RBM25: variants seen among roughly 807,000 people sequenced by gnomAD.
RBM25 encodes RNA binding motif protein 25, also known as RNA-binding protein 25.
Under a neutral mutation model 120.7 loss-of-function variants are expected in RBM25, and 19 were observed. The ratio of observed to expected loss-of-function variants is 0.16; its 90% CI spans 0.11 to 0.23. The LOEUF (loss-of-function observed/expected upper bound fraction) is 0.23. Ranked by LOEUF, RBM25 falls within the 10% of genes least tolerant of loss-of-function variation. RBM25 has a pLI of 1.00. For synonymous variants in RBM25, 390 were observed against 326.7 expected, an observed-to-expected ratio of 1.19 and a Z score of -2.09; for missense variants, 605 against 1,041.5, an observed-to-expected ratio of 0.58 and a Z score of 5.77.
chr14:73,085,296 C>T (rs1281980970), intron 5 of RBM25, among the ~76,000 whole-genome samples: 5 of 151,520 alleles, frequency 3.3e-5, no homozygotes, highest in African/African-American at 7.3e-5. Flanking sequence ...GGATTACAGA[C>T]GTGAGCCACC....
chr14:73,063,188 C>T lies in RBM25; in HGVS notation c.-16+4483C>T, dbSNP rs184475760. Among the ~76,000 whole-genome samples, 68 of 151,016 alleles carry T rather than the reference C, an allele frequency of 4.5e-4. 1 individual carries two copies. The highest frequency in any genetic ancestry group is 1.5e-3 in the African/African-American group (62 of 41,360). ...TTTTTGAGATGGAGTCTGGCTCTGT[C>T]GCCCAGGCTGGAGTGCAGTGGCACA... is the stretch of plus-strand genomic sequence containing the variant. On this transcript the variant is annotated intron_variant, in intron 1 of 18. Transcript: ENST00000261973.
At chr14:73,093,498 A>G (rs1422090062) in intron 6 of RBM25, among the ~76,000 whole-genome samples, 1 of 152,114 alleles carries the variant, frequency 6.6e-6, no homozygotes. Context: ...ATTACTGATT[A>G]TGCTTTCTGG....
At chr14:73,089,223 A>G (rs532468038) in intron 6 of RBM25, among the ~76,000 whole-genome samples, 1 of 152,234 alleles carries the variant, frequency 6.6e-6, no homozygotes, top group South Asian at 2.1e-4. Flanking sequence ...ACCAAACCCA[A>G]AAAACTCACA....
Position 73,110,879 on chromosome 14 carries a change from C to G in RBM25, c.1741C>G (p.Pro581Ala). The stretch of plus-strand genomic sequence containing the variant: ...CAGGCAGCCACAAATAAAGCAAGAG[C>G]CAGAATCAGAAGAGGAGGAAGAAGA... ...RRRQPQIKQE[P>A]ESEEEEEEKQ... The change falls in exon 15 of 19, where the codon CCA (proline) becomes GCA (alanine). Residue 581 changes from proline to alanine, a missense_variant. Physicochemically the swap from Pro to Ala is conservative, Grantham distance 27 (BLOSUM62 -1). Coordinates refer to ENST00000261973, the MANE Select transcript of RBM25 (RefSeq NM_021239.3). The G allele has an allele frequency of 6.2e-7, 1 of 1,612,624 alleles. No individual in the cohort carries two copies. Among genetic ancestry groups the G allele is most frequent in the Non-Finnish European group, 8.5e-7 (1 of 1,179,558 alleles).
At chr14:73,087,434 C>T (rs1393886932) in intron 5 of RBM25, among the ~76,000 whole-genome samples, 12 of 141,128 alleles carry the variant, frequency 8.5e-5, no homozygotes, top group Middle Eastern at 7.9e-3. Flanking sequence ...CTCGCTCTTT[C>T]GCCCAGGCCG....
chr14:73,059,905 G>A (rs2806049), intron 1 of RBM25, among the ~76,000 whole-genome samples: 38,048 of 152,034 alleles, frequency 0.25, 6,137 homozygotes, highest in Non-Finnish European at 0.34. Flanking sequence ...TGAGAAAAAC[G>A]TATGTAAAAT....
intron 18 of RBM25, among the ~76,000 whole-genome samples, chr14:73,118,959 G>C (rs541882174): frequency 6.6e-6 from 1 of 152,050 alleles, no homozygotes; most frequent in South Asian, 2.1e-4. Context: ...AGTAGAGATG[G>C]GGTTTCGTCA....
chr14:73,070,877 G>A (rs1895271386), intron 1 of RBM25, among the ~76,000 whole-genome samples: 1 of 150,454 alleles, frequency 6.6e-6, no homozygotes, highest in South Asian at 2.1e-4. Flanking sequence ...AACCCAGGAG[G>A]TGGAGATTGC....
intron 1 of RBM25, among the ~76,000 whole-genome samples, chr14:73,065,549 T>A (rs1028125211): frequency 6.6e-6 from 1 of 152,026 alleles, no homozygotes; most frequent in East Asian, 1.9e-4. Flanking sequence ...CTCAGCCTCC[T>A]GAGTAGCTGG....
intron 6 of RBM25, among the ~76,000 whole-genome samples, chr14:73,095,605 T>G (rs1895925456): frequency 7.7e-6 from 1 of 130,120 alleles, no homozygotes; most frequent in Non-Finnish European, 1.6e-5. Context: ...AGACTCCGCC[T>G]CAAAAAAAAA....
chr14:73,073,603 G>A lies in RBM25; in HGVS notation c.106+1856G>A, dbSNP rs147455628. Among the ~76,000 whole-genome samples, 743 of 152,180 alleles carry A rather than the reference G, an allele frequency of 4.9e-3. 11 individuals are homozygous for A. Among genetic ancestry groups the A allele is most frequent in the African/African-American group, 0.017 (702 of 41,538 alleles). ...CTCAGGAGGCTGAGGCAGGAGAATC[G>A]CTTGAAACTGGGAAGCAGAGGTTGC... On this transcript the variant is annotated intron_variant, in intron 2 of 18. Coordinates refer to ENST00000261973, the MANE Select transcript of RBM25 (RefSeq NM_021239.3).
At chr14:73,112,333 C>G in intron 17 of RBM25, 83 bp downstream of exon 17, 2 of 1,289,076 alleles carry the variant, frequency 1.6e-6, no homozygotes, top group Non-Finnish European at 2.1e-6. Context: ...AGAAATTTTA[C>G]AGAGTCAAGT....
intron 15 of RBM25, 94 bp downstream of exon 15, chr14:73,111,249 T>A: frequency 9.0e-7 from 1 of 1,114,190 alleles, no homozygotes; most frequent in Admixed American, 2.9e-5. Context: ...TATTTGTGCT[T>A]GGTTAGGTAG....
intron 4 of RBM25, among the ~76,000 whole-genome samples, chr14:73,081,230 C>G (rs577992955): frequency 1.3e-5 from 2 of 152,202 alleles, no homozygotes; most frequent in East Asian, 3.9e-4. Flanking sequence ...ACCTCCGCCT[C>G]CCGGGTCAGT....
At chr14:73,075,498 G>T (rs977731848) in intron 2 of RBM25, among the ~76,000 whole-genome samples, 5 of 152,006 alleles carry the variant, frequency 3.3e-5, no homozygotes, top group Admixed American at 2.0e-4. Flanking sequence ...GGAATAACAA[G>T]ATTCTTCTTA....
chr14:73,089,944 G>A (rs1409923294), intron 6 of RBM25, among the ~76,000 whole-genome samples: 3 of 151,932 alleles, frequency 2.0e-5, no homozygotes, highest in Admixed American at 1.3e-4. Context: ...CACTCCACCC[G>A]GTCAGCATTG....
At chr14:73,065,611 G>A (rs577076515) in intron 1 of RBM25, among the ~76,000 whole-genome samples, 10 of 151,114 alleles carry the variant, frequency 6.6e-5, no homozygotes, top group African/African-American at 2.2e-4. Context: ...TTAGATACGG[G>A]GTTTCGCCGT....
chr14:73,103,828 A>G (rs1210559706), intron 10 of RBM25, among the ~76,000 whole-genome samples: 1 of 151,848 alleles, frequency 6.6e-6, no homozygotes, highest in African/African-American at 2.4e-5. Flanking sequence ...TGCTGGGATT[A>G]TAAGCGTGAG....
chr14:73,116,300 G>GA, intron 18 of RBM25, among the ~76,000 whole-genome samples: 1 of 152,222 alleles, frequency 6.6e-6, no homozygotes, highest in South Asian at 2.1e-4. Context: ...AGTAAGGAAG[G>GA]AAAAATCATC....
Sources: allele counts gnomAD v4.1 joint callset (sites outside exome capture counted in the v4.1 genomes callset), GRCh38; gene constraint gnomAD v4.1.1; transcripts MANE v1.5; gene names NCBI Gene and HGNC (gene_info 2026-07-23, HGNC 2026-07-21).